The following GRM8 variants were observed in gnomAD, a reference collection of about 807,000 sequenced individuals.
The protein encoded by GRM8 is glutamate metabotropic receptor 8, also known as metabotropic glutamate receptor 8.
In GRM8, 47 loss-of-function variants were observed where a neutral mutation model predicts 87.2. The ratio of observed to expected loss-of-function variants is 0.54; its 90% CI spans 0.43 to 0.69. The LOEUF is 0.69. GRM8 is among the 30% of genes least tolerant of loss of function. The pLI is 0.00. For synonymous variants in GRM8, 396 were observed against 404.5 expected, an observed-to-expected ratio of 0.98 and a Z score of 0.25; for missense variants, 1,019 against 1,139.2, an observed-to-expected ratio of 0.89 and a Z score of 1.52.
At chr7:126,558,838 C>G (rs1793410345) in intron 8 of GRM8, among the ~76,000 whole-genome samples, 1 of 152,020 alleles carries the variant, frequency 6.6e-6, no homozygotes, top group Admixed American at 6.6e-5. Context: ...CATTCAATAT[C>G]AAAAGTGGTA....
At chr7:127,015,438 G>A (rs1321892883) in intron 3 of GRM8, among the ~76,000 whole-genome samples, 1 of 152,040 alleles carries the variant, frequency 6.6e-6, no homozygotes, top group Non-Finnish European at 1.5e-5. Context: ...GAAAACGGAG[G>A]TTCAAGTAGG....
rs137982230 is a variant in GRM8 at position 127,171,879 on chromosome 7, A to G, written c.511-65167T>C. Reference sequence around the variant, plus strand: ...TATACAGCTGACTCCAGACACATGCAGTCTTGGACACACACATATGTGTTC... The same window carrying G: ...TATACAGCTGACTCCAGACACATGCGGTCTTGGACACACACATATGTGTTC... On this transcript the variant is annotated intron_variant, in intron 2 of 10. Coordinates refer to ENST00000339582, the MANE Select transcript of GRM8 (RefSeq NM_000845.3). Among the ~76,000 whole-genome samples the G allele has an allele frequency of 1.2e-3, 179 of 152,344 alleles. 1 individual carries two copies. Among genetic ancestry groups the G allele is most frequent in the African/African-American group, 4.3e-3 (178 of 41,592 alleles).
chr7:126,611,547 C>T (rs1798914238), intron 7 of GRM8, among the ~76,000 whole-genome samples: 1 of 152,204 alleles, frequency 6.6e-6, no homozygotes, highest in Admixed American at 6.5e-5. Flanking sequence ...GAGAATTTCA[C>T]ATTAACATGA....
At chr7:127,184,099 G>T (rs989604674) in intron 2 of GRM8, among the ~76,000 whole-genome samples, 1 of 151,742 alleles carries the variant, frequency 6.6e-6, no homozygotes, top group African/African-American at 2.4e-5. Flanking sequence ...AGGAAAAAAT[G>T]ATACAATTTC....
intron 2 of GRM8, among the ~76,000 whole-genome samples, chr7:127,144,491 C>T (rs919395551): frequency 2.6e-5 from 4 of 152,068 alleles, no homozygotes; most frequent in African/African-American, 9.7e-5. Flanking sequence ...AAAACACAAT[C>T]AGCATATGTT....
intron 7 of GRM8, among the ~76,000 whole-genome samples, chr7:126,760,912 T>C (rs935101783): frequency 1.3e-5 from 2 of 152,100 alleles, no homozygotes; most frequent in Admixed American, 6.5e-5. Context: ...TAAAAGTAGA[T>C]GAGGGCGGGC....
At chr7:126,809,252 T>C (rs1167019538) in intron 6 of GRM8, among the ~76,000 whole-genome samples, 1 of 152,174 alleles carries the variant, frequency 6.6e-6, no homozygotes, top group African/African-American at 2.4e-5. Flanking sequence ...ATTAGCAATC[T>C]TAATTCCATC....
chr7:126,450,251 A>G (rs917411832), intron 9 of GRM8, among the ~76,000 whole-genome samples: 5 of 151,854 alleles, frequency 3.3e-5, no homozygotes, highest in Non-Finnish European at 7.4e-5. Context: ...AGACCACCAC[A>G]GACTCTGACA....
intron 7 of GRM8, among the ~76,000 whole-genome samples, chr7:126,723,246 C>G (rs1812623724): frequency 6.6e-6 from 1 of 151,868 alleles, no homozygotes. Flanking sequence ...TAAGAAATAT[C>G]TTCTTCACAA....
chr7:126,441,022 G>C (rs1332252773), intron 10 of GRM8, among the ~76,000 whole-genome samples: 4 of 151,954 alleles, frequency 2.6e-5, no homozygotes, highest in Admixed American at 1.3e-4. Context: ...TCAATTATCT[G>C]TCCTACAAAA....
intron 6 of GRM8, among the ~76,000 whole-genome samples, chr7:126,790,111 G>T (rs570534730): frequency 6.6e-6 from 1 of 151,834 alleles, no homozygotes; most frequent in South Asian, 2.1e-4. Flanking sequence ...AGGTTCAAAT[G>T]ATTCTCCTGC....
chr7:127,100,711 C>T (rs1457882912), intron 3 of GRM8, among the ~76,000 whole-genome samples: 1 of 152,156 alleles, frequency 6.6e-6, no homozygotes, highest in African/African-American at 2.4e-5. Flanking sequence ...TTATTCATTA[C>T]CATGAGAACA....
At chr7:126,817,016 C>T (rs1793850527) in intron 6 of GRM8, among the ~76,000 whole-genome samples, 1 of 151,900 alleles carries the variant, frequency 6.6e-6, no homozygotes, top group Non-Finnish European at 1.5e-5. Context: ...CATTATTATA[C>T]TCCTTTAAAA....
At chr7:126,505,259 C>A (rs1384195130) in intron 9 of GRM8, among the ~76,000 whole-genome samples, 1 of 152,060 alleles carries the variant, frequency 6.6e-6, no homozygotes, top group Non-Finnish European at 1.5e-5. Flanking sequence ...TATAATAAAT[C>A]TAACCACTAA....
chr7:126,447,095 C>T (rs1802097337), intron 9 of GRM8: 1 of 151,804 alleles, frequency 6.6e-6, no homozygotes, highest in Admixed American at 6.6e-5. Context: ...GTGCTCATTG[C>T]TTGCCCTTAT....
chr7:126,625,656 G>C (rs1800601226), intron 7 of GRM8, among the ~76,000 whole-genome samples: 1 of 152,112 alleles, frequency 6.6e-6, no homozygotes, highest in Admixed American at 6.5e-5. Context: ...TGCATTTATA[G>C]TACTCAAATA....
intron 6 of GRM8, among the ~76,000 whole-genome samples, chr7:126,849,818 A>C (rs1586185967): frequency 2.0e-5 from 3 of 152,090 alleles, no homozygotes; most frequent in Admixed American, 2.0e-4. Context: ...CCATGCTCCA[A>C]CTTAGCCAAC....
At chr7:126,677,837 A>C (rs532440525) in intron 7 of GRM8, among the ~76,000 whole-genome samples, 2 of 152,364 alleles carry the variant, frequency 1.3e-5, no homozygotes, top group East Asian at 3.9e-4. Flanking sequence ...GTATTCGTAA[A>C]GGTATTGAAA....
chr7:126,519,043 C>A (rs535841172), intron 9 of GRM8, among the ~76,000 whole-genome samples: 2 of 152,166 alleles, frequency 1.3e-5, no homozygotes, highest in African/African-American at 4.8e-5. Flanking sequence ...AAATGTTTAT[C>A]CCTTTTTCTT....
Sources: gnomAD v4.1 joint callset for allele counts (sites outside exome capture counted in the v4.1 genomes callset) on GRCh38, gnomAD v4.1.1 for gene constraint, MANE v1.5 for transcripts, NCBI Gene and HGNC (gene_info 2026-07-23, HGNC 2026-07-21) for gene names.